Variants in DNAI2 observed in about 807,000 individuals in gnomAD.
DNAI2 encodes the protein dynein axonemal intermediate chain 2, also known as dynein, axonemal, intermediate polypeptide 2.
Under a neutral mutation model 74.7 loss-of-function variants are expected in DNAI2, and 63 were observed. The observed-to-expected ratio is 0.84, with a 90% CI of 0.69 to 1.04. The LOEUF (loss-of-function observed/expected upper bound fraction) is 1.04. DNAI2 is among the 50% of genes least tolerant of loss of function. The pLI is 0.00. For missense variants in DNAI2, 688 were observed against 803.2 expected (o/e 0.86, Z 1.73); for synonymous variants, 289 against 314.9 (o/e 0.92, Z 0.87).
At position 74,299,737 on chromosome 17, in the gene DNAI2, G is replaced by A; in HGVS notation, c.744G>A (p.Lys248=). ...NGQIACWDTR[K]GSLVAELSTI... ...CACCAGCCTGCTGGGACACCCGAAAGGGCAGCCTGGTGGCGGAGCTATCCA... is the reference window on the plus strand; with the variant it reads ...CACCAGCCTGCTGGGACACCCGAAAAGGCAGCCTGGTGGCGGAGCTATCCA... Residue 248 remains lysine (K), a synonymous_variant, in exon 7 of 14, where the codon AAG becomes AAA. Coordinates refer to ENST00000311014, the MANE Select transcript of DNAI2 (RefSeq NM_023036.6). The A allele has an allele frequency of 1.9e-6, 3 of 1,613,470 alleles. No individual in the cohort carries two copies. The highest frequency in any genetic ancestry group is 2.5e-6 in the Non-Finnish European group (3 of 1,180,016).
chr17:74,311,981 C>A (rs371775540), intron 11 of DNAI2, 22 bp from the exon 12 acceptor site: 1 of 1,610,262 alleles, frequency 6.2e-7, no homozygotes. Context: ...CCACCGGGCT[C>A]TCTCTGTCCC....
Position 74,285,133 on chromosome 17 carries a change from A to G in DNAI2, c.277A>G (p.Thr93Ala). 1 of 1,614,242 alleles carries G rather than the reference A, an allele frequency of 6.2e-7. No individual in the cohort carries two copies. Among genetic ancestry groups the G allele is most frequent in the Non-Finnish European group, 8.5e-7 (1 of 1,180,034 alleles). The change falls in exon 3 of 14, where the codon ACC becomes GCC. Residue 93 changes from threonine to alanine, a missense_variant. Physicochemically the swap from Thr to Ala is moderately conservative, Grantham distance 58. Transcript: ENST00000311014. ...KDVNPLELEQ[T>A]IRFRKKVEKD... The stretch of plus-strand genomic sequence containing the variant: ...CGTGAACCCCCTGGAGCTGGAGCAG[A>G]CCATCCGTTTCCGGAAGAAAGTGGA...
chr17:74,287,241 A>G lies in DNAI2; in HGVS notation c.467+143A>G, dbSNP rs115613688. On this transcript the variant is annotated intron_variant, in intron 4 of 13. Coordinates refer to ENST00000311014, the MANE Select transcript of DNAI2 (RefSeq NM_023036.6). ...GAGCTTGATAAGTGACGTGGTGATA[A>G]GTCACCCAGCAGAGAAGTGGCCCTG... The G allele has an allele frequency of 4.4e-6, 6 of 1,350,586 alleles. No individual in the cohort carries two copies. The African/African-American group carries it at 8.7e-5, about 20-fold the overall frequency. 83.7% of individuals were successfully genotyped at this position (1,350,586 alleles called of 1,614,324 possible).
chr17:74,304,827 G>A (rs989905022), intron 8 of DNAI2, among the ~76,000 whole-genome samples: 2 of 152,190 alleles, frequency 1.3e-5, no homozygotes, highest in African/African-American at 2.4e-5. Flanking sequence ...CCCATCCCAT[G>A]AGTGATCTGG....
chr17:74,303,596 A>ATTT (rs542455902), intron 8 of DNAI2, among the ~76,000 whole-genome samples: 2 of 132,802 alleles, frequency 1.5e-5, no homozygotes, highest in Admixed American at 7.7e-5. Context: ...AGCCAGGCTG[A>ATTT]TTTTTTTTTT....
At position 74,281,875 on chromosome 17, in the gene DNAI2, T is replaced by A. The variant is rs1306423927; in HGVS notation, c.58T>A (p.Phe20Ile). 6.2e-7 allele frequency: 1 copy of A among 1,614,090 alleles called. No homozygotes were observed. The highest frequency in any genetic ancestry group is 1.1e-5 in the South Asian group (1 of 91,082). The change falls in exon 2 of 14, where the codon TTC becomes ATC. Residue 20 changes from phenylalanine to isoleucine, a missense_variant. Coordinates refer to ENST00000311014, the MANE Select transcript of DNAI2 (RefSeq NM_023036.6). ...CAGCGAGTTCGGGAAGCAGTGCAAT[T>A]TCTCGGACCGCCAGGCCGAGCTGAA... The part of the protein sequence containing the change: ...KRSEFGKQCN[F>I]SDRQAELNID...
chr17:74,308,606 C>T (rs1207290165), intron 9 of DNAI2, among the ~76,000 whole-genome samples: 1 of 152,074 alleles, frequency 6.6e-6, no homozygotes, highest in African/African-American at 2.4e-5. Flanking sequence ...ACTGCAGCCT[C>T]GACCTCCTGG....
intron 10 of DNAI2, 131 bp from the exon 11 acceptor site, chr17:74,309,886 C>G: frequency 8.1e-7 from 1 of 1,227,962 alleles, no homozygotes; most frequent in Admixed American, 1.8e-5. Context: ...GAACTTCATC[C>G]TGTGGGCAGA....
chr17:74,312,289 G>T (rs529720413), intron 12 of DNAI2, 59 bp downstream of exon 12: 114 of 556,452 alleles, frequency 2.0e-4, no homozygotes, highest in African/African-American at 1.8e-3. Context: ...ATGGCACTTG[G>T]GTTCTGCTTC....
At chr17:74,281,777 C>T (rs757638244) in intron 1 of DNAI2, 30 bp from the exon 2 acceptor site, 6 of 1,605,594 alleles carry the variant, frequency 3.7e-6, no homozygotes, top group Non-Finnish European at 4.3e-6. Flanking sequence ...GGTGGGGTCC[C>T]TCACCCCACA....
At chr17:74,290,982 T>C in intron 5 of DNAI2, 38 bp from the exon 6 acceptor site, 1 of 1,580,672 alleles carries the variant, frequency 6.3e-7, no homozygotes, top group Non-Finnish European at 8.7e-7. Flanking sequence ...TCCTTTTCTT[T>C]CCGGGCCTGG....
In DNAI2 at chr17:74,309,959, G is replaced by T. The variant is rs140871777; in HGVS notation, c.1348-58G>T. ...AGCCTCCCCAGGGGCCAGTTAATCA[G>T]ACACACATAACTTTGCTCCTCTCTC... On this transcript the variant is annotated intron_variant, in intron 10 of 13. Transcript: ENST00000311014. The T allele has an allele frequency of 9.1e-4, 1,434 of 1,567,580 alleles. 9 individuals are homozygous for T. In the African/African-American group the frequency reaches 0.016, roughly 18 times the overall value.
chr17:74,293,853 G>T (rs1213406344), intron 6 of DNAI2, among the ~76,000 whole-genome samples: 1 of 151,336 alleles, frequency 6.6e-6, no homozygotes, highest in Admixed American at 6.6e-5. Context: ...GCGTGATCTC[G>T]GCTCACTGCA....
Position 74,291,110 on chromosome 17 carries a change from G to A in DNAI2, c.701G>A (p.Gly234Asp), listed in dbSNP as rs897911822. ...FNPKDSHVLL[G>D]GCYNGQIACW... ...CCCAAAGATTCCCACGTACTCCTGG[G>A]TGGCTGCTACAATGGACAGATAGGT... Residue 234 changes from glycine (G) to aspartate (D), a missense_variant, in exon 6 of 14, where the codon GGT (glycine) becomes GAT (aspartate). By Grantham distance (94) the Gly-to-Asp change is moderately conservative (BLOSUM62 -1). Transcript: ENST00000311014. The A allele has an allele frequency of 1.2e-5, 19 of 1,614,032 alleles. No homozygotes were observed. Among genetic ancestry groups the A allele is most frequent in the Non-Finnish European group, 1.5e-5 (18 of 1,179,934 alleles).
chr17:74,309,769 G>T, intron 10 of DNAI2: 5 of 643,112 alleles, frequency 7.8e-6, no homozygotes, highest in South Asian at 7.3e-5. Context: ...GCCACGGAAG[G>T]GTGGGGGCAT....
intron 1 of DNAI2, among the ~76,000 whole-genome samples, chr17:74,278,422 A>T (rs1241426753): frequency 2.0e-5 from 3 of 151,912 alleles, no homozygotes; most frequent in Admixed American, 6.6e-5. Flanking sequence ...AGAGCAAGAC[A>T]CTGTCTCATA....
At chr17:74,305,561 C>T in intron 9 of DNAI2, 119 bp downstream of exon 9, 1 of 858,586 alleles carries the variant, frequency 1.2e-6, no homozygotes, top group Non-Finnish European at 1.8e-6. Context: ...AACCTTTCCA[C>T]AAACACCCGA....
Position 74,281,973 on chromosome 17 carries a change from G to A in DNAI2, c.156G>A (p.Gln52=). The part of the protein sequence containing the change: ...VERNPVDTGI[Q]CSISMSEHEA... ...GGAACCCAGTGGACACGGGCATCCA[G>A]TGCTCGATCAGCATGTCGGAACACG... Residue 52 remains glutamine (Q), a synonymous_variant, in exon 2 of 14, where the codon CAG becomes CAA. Transcript: ENST00000311014. 6.2e-7 allele frequency: 1 copy of A among 1,614,150 alleles called. No homozygotes were observed. The highest frequency in any genetic ancestry group is 8.5e-7 in the Non-Finnish European group (1 of 1,180,038).
At chr17:74,286,923 C>A in intron 3 of DNAI2, 54 bp from the exon 4 acceptor site, 1 of 1,612,626 alleles carries the variant, frequency 6.2e-7, no homozygotes, top group Non-Finnish European at 8.5e-7. Flanking sequence ...CAGGCCTGGG[C>A]AATCTGAAAG....
Sources: allele counts gnomAD v4.1 joint callset (sites outside exome capture counted in the v4.1 genomes callset), GRCh38; gene constraint gnomAD v4.1.1; transcripts MANE v1.5; gene names NCBI Gene and HGNC (gene_info 2026-07-23, HGNC 2026-07-21).